The following RALGAPA2 variants were observed in gnomAD, a reference collection of about 807,000 sequenced individuals.
RALGAPA2 encodes ral GTPase-activating protein subunit alpha-2.
A neutral mutation model predicts 230.4 loss-of-function variants in RALGAPA2; 139 were observed. That is an observed-to-expected ratio of 0.60 (90% CI 0.53 to 0.69). The LOEUF (loss-of-function observed/expected upper bound fraction) is 0.69. Ranked by LOEUF, RALGAPA2 falls within the 30% of genes least tolerant of loss-of-function variation. The pLI is 0.00. For synonymous variants in RALGAPA2, 847 were observed against 837.8 expected, an observed-to-expected ratio of 1.01 and a Z score of -0.19; for missense variants, 2,163 against 2,276.0, an observed-to-expected ratio of 0.95 and a Z score of 1.01.
intron 20 of RALGAPA2, among the ~76,000 whole-genome samples, chr20:20,579,269 G>A (rs1031313823): frequency 6.6e-6 from 1 of 152,144 alleles, no homozygotes; most frequent in African/African-American, 2.4e-5. Flanking sequence ...GCAGCTTAAA[G>A]TGTATTTGTT....
At chr20:20,685,826 G>A in intron 1 of RALGAPA2, among the ~76,000 whole-genome samples, 1 of 152,128 alleles carries the variant, frequency 6.6e-6, no homozygotes, top group Non-Finnish European at 1.5e-5. Flanking sequence ...CCAGAGTCCA[G>A]ATGGGAACCC....
chr20:20,639,759 T>C (rs2066970394), intron 7 of RALGAPA2, 26 bp downstream of exon 7: 1 of 1,464,940 alleles, frequency 6.8e-7, no homozygotes, highest in African/African-American at 1.4e-5. Flanking sequence ...AACCCATCAC[T>C]GAAATAGTCA....
chr20:20,669,924 C>A (rs2068078427), intron 3 of RALGAPA2, among the ~76,000 whole-genome samples: 1 of 152,190 alleles, frequency 6.6e-6, no homozygotes, highest in African/African-American at 2.4e-5. Flanking sequence ...ACCCATTCAC[C>A]AAGTACCTTG....
At chr20:20,654,249 C>T (rs1437067899) in intron 3 of RALGAPA2, among the ~76,000 whole-genome samples, 4 of 152,150 alleles carry the variant, frequency 2.6e-5, no homozygotes, top group African/African-American at 7.2e-5. Flanking sequence ...TGTGCACTGG[C>T]GTGATTTCAG....
At chr20:20,536,915 A>G in intron 24 of RALGAPA2, 131 bp from the exon 25 acceptor site, 1 of 1,067,382 alleles carries the variant, frequency 9.4e-7, no homozygotes, top group Non-Finnish European at 1.3e-6. Context: ...TTCCAAGTGC[A>G]TATTTAAGCA....
intron 24 of RALGAPA2, among the ~76,000 whole-genome samples, chr20:20,538,916 G>A (rs1271485569): frequency 6.6e-6 from 1 of 152,136 alleles, no homozygotes. Flanking sequence ...ACCGTATTCT[G>A]CTGTAACACC....
At chr20:20,594,138 T>C (rs774860799) in intron 16 of RALGAPA2, among the ~76,000 whole-genome samples, 7 of 152,324 alleles carry the variant, frequency 4.6e-5, no homozygotes, top group Non-Finnish European at 1.0e-4. Flanking sequence ...TCAATTGAGA[T>C]GGTGTGAAAA....
At chr20:20,532,725 G>A (rs908610514) in intron 26 of RALGAPA2, among the ~76,000 whole-genome samples, 2 of 152,190 alleles carry the variant, frequency 1.3e-5, no homozygotes, top group African/African-American at 4.8e-5. Context: ...ATCAGAATAA[G>A]AGTGCCCAGG....
intron 37 of RALGAPA2, among the ~76,000 whole-genome samples, chr20:20,431,344 A>G (rs567202489): frequency 1.1e-4 from 16 of 152,142 alleles, no homozygotes; most frequent in Non-Finnish European, 1.9e-4. Flanking sequence ...GCAGCCAGGT[A>G]TGAGGCTGGA....
intron 37 of RALGAPA2, among the ~76,000 whole-genome samples, chr20:20,464,756 T>C (rs2061376850): frequency 6.6e-6 from 1 of 152,180 alleles, no homozygotes; most frequent in Non-Finnish European, 1.5e-5. Flanking sequence ...GTGATAATGT[T>C]AGAATGATTA....
At chr20:20,395,127 G>A (rs1172609148) in intron 39 of RALGAPA2, among the ~76,000 whole-genome samples, 4 of 152,210 alleles carry the variant, frequency 2.6e-5, no homozygotes, top group South Asian at 4.1e-4. Context: ...AGGAAGCTCT[G>A]CAGAGAAGGG....
At chr20:20,577,156 A>T (rs1031681049) in intron 20 of RALGAPA2, among the ~76,000 whole-genome samples, 3 of 152,136 alleles carry the variant, frequency 2.0e-5, no homozygotes, top group African/African-American at 7.2e-5. Flanking sequence ...TCGAGTGTAT[A>T]TGTTGTTGGC....
intron 1 of RALGAPA2, among the ~76,000 whole-genome samples, chr20:20,681,266 T>C (rs973090533): frequency 6.6e-6 from 1 of 152,154 alleles, no homozygotes; most frequent in African/African-American, 2.4e-5. Context: ...CCCACCAACA[T>C]AACTCTCTGG....
chr20:20,418,838 A>T (rs187254018), intron 37 of RALGAPA2, among the ~76,000 whole-genome samples: 2 of 152,264 alleles, frequency 1.3e-5, no homozygotes, highest in East Asian at 3.9e-4. Flanking sequence ...TCCTGGACTC[A>T]AGCAATCCTC....
chr20:20,515,871 T>C (rs1027990469), intron 31 of RALGAPA2, among the ~76,000 whole-genome samples: 12 of 151,936 alleles, frequency 7.9e-5, no homozygotes, highest in African/African-American at 2.7e-4. Context: ...GGAAGTGCAC[T>C]GCAGACACAT....
At chr20:20,435,136 G>C (rs1025705163) in intron 37 of RALGAPA2, among the ~76,000 whole-genome samples, 1 of 152,232 alleles carries the variant, frequency 6.6e-6, no homozygotes, top group Non-Finnish European at 1.5e-5. Context: ...ATCTAAAAGT[G>C]GTGGATACTG....
At chr20:20,563,135 G>T (rs1003445401) in intron 23 of RALGAPA2, among the ~76,000 whole-genome samples, 1 of 152,182 alleles carries the variant, frequency 6.6e-6, no homozygotes, top group Non-Finnish European at 1.5e-5. Context: ...GGAGAGGACT[G>T]TCATCTCTCA....
chr20:20,545,199 G>A (rs1016192146), intron 24 of RALGAPA2, among the ~76,000 whole-genome samples: 1 of 151,972 alleles, frequency 6.6e-6, no homozygotes, highest in Non-Finnish European at 1.5e-5. Flanking sequence ...AGCCACAGTT[G>A]AACAAATTCA....
intron 17 of RALGAPA2, among the ~76,000 whole-genome samples, chr20:20,590,186 T>G (rs1185359392): frequency 6.6e-6 from 1 of 152,070 alleles, no homozygotes; most frequent in Non-Finnish European, 1.5e-5. Flanking sequence ...ACAGTCACCA[T>G]ACTGTACAAC....
Sources: allele counts gnomAD v4.1 joint callset (sites outside exome capture counted in the v4.1 genomes callset), GRCh38; gene constraint gnomAD v4.1.1; transcripts MANE v1.5; gene names NCBI Gene and HGNC (gene_info 2026-07-23, HGNC 2026-07-21).